The following FHIT variants were observed in gnomAD, a reference collection of about 807,000 sequenced individuals.
FHIT encodes the protein fragile histidine triad diadenosine triphosphatase, also known as bis(5'-adenosyl)-triphosphatase.
FHIT carries 19 observed loss-of-function variants against 17.9 expected under a neutral mutation model. That is an observed-to-expected ratio of 1.06 (90% CI 0.74 to 1.56). FHIT has a LOEUF of 1.56. Ranked by LOEUF, FHIT falls within the 40% of genes most tolerant of loss-of-function variation. The pLI, the probability that FHIT is intolerant of heterozygous loss-of-function variation, is 0.00. For missense variants in FHIT, 248 were observed against 189.2 expected (o/e 1.31, Z -1.82); for synonymous variants, 81 against 69.7 (o/e 1.16, Z -0.81).
chr3:60,557,598 C>G (rs779430272), intron 4 of FHIT, among the ~76,000 whole-genome samples: 1 of 151,772 alleles, frequency 6.6e-6, no homozygotes, highest in African/African-American at 2.4e-5. Context: ...TAGCTCTCTA[C>G]ATGGCTCTGC....
intron 3 of FHIT, among the ~76,000 whole-genome samples, chr3:60,839,649 C>T (rs1215650649): frequency 1.3e-5 from 2 of 152,112 alleles, no homozygotes; most frequent in African/African-American, 4.8e-5. Flanking sequence ...CCCAGAAATG[C>T]CCAGTCCCCA....
chr3:60,170,737 A>T (rs983076587), intron 5 of FHIT, among the ~76,000 whole-genome samples: 1 of 152,192 alleles, frequency 6.6e-6, no homozygotes, highest in Non-Finnish European at 1.5e-5. Flanking sequence ...ATTCTCCCAT[A>T]TCTATCTGAC....
intron 8 of FHIT, among the ~76,000 whole-genome samples, chr3:59,905,440 A>C (rs985401489): frequency 2.0e-5 from 3 of 152,204 alleles, no homozygotes; most frequent in African/African-American, 7.2e-5. Flanking sequence ...AGATAAATTA[A>C]GTTTGAGCAA....
At chr3:60,075,761 G>T (rs975905294) in intron 5 of FHIT, among the ~76,000 whole-genome samples, 2 of 152,050 alleles carry the variant, frequency 1.3e-5, no homozygotes, top group African/African-American at 4.8e-5. Context: ...AGAAGACACA[G>T]AGATACTAAA....
intron 4 of FHIT, among the ~76,000 whole-genome samples, chr3:60,760,369 A>G (rs1404615809): frequency 6.6e-6 from 1 of 152,208 alleles, no homozygotes; most frequent in East Asian, 1.9e-4. Context: ...TTGCTCAGTA[A>G]AACAGGAAGT....
At chr3:60,634,601 G>T (rs1426338360) in intron 4 of FHIT, among the ~76,000 whole-genome samples, 1 of 152,100 alleles carries the variant, frequency 6.6e-6, no homozygotes, top group Non-Finnish European at 1.5e-5. Context: ...TGGGGTAACG[G>T]CACCAGCATT....
At chr3:60,421,950 A>G (rs940508929) in intron 5 of FHIT, among the ~76,000 whole-genome samples, 3 of 152,138 alleles carry the variant, frequency 2.0e-5, no homozygotes, top group East Asian at 3.9e-4. Context: ...GCCTGCAGCA[A>G]GGTTGTAGAG....
intron 5 of FHIT, among the ~76,000 whole-genome samples, chr3:60,303,500 C>T (rs1294522262): frequency 6.6e-6 from 1 of 152,170 alleles, no homozygotes; most frequent in African/African-American, 2.4e-5. Flanking sequence ...GAGCCCTCTC[C>T]CGTTGCTGGA....
At chr3:59,912,100 A>G (rs1704907391) in intron 8 of FHIT, among the ~76,000 whole-genome samples, 1 of 152,216 alleles carries the variant, frequency 6.6e-6, no homozygotes, top group African/African-American at 2.4e-5. Flanking sequence ...CATGATGGAG[A>G]TAAATGTACC....
chr3:60,543,475 T>C (rs2107610887), intron 4 of FHIT, among the ~76,000 whole-genome samples: 1 of 152,350 alleles, frequency 6.6e-6, no homozygotes, highest in Non-Finnish European at 1.5e-5. Flanking sequence ...TTATGAATGC[T>C]GCATTTATGC....
At chr3:60,081,062 A>G (rs1188855959) in intron 5 of FHIT, among the ~76,000 whole-genome samples, 1 of 152,122 alleles carries the variant, frequency 6.6e-6, no homozygotes, top group Non-Finnish European at 1.5e-5. Flanking sequence ...GAGAAAGCAA[A>G]GAGAGAGAAA....
At chr3:60,969,709 C>T (rs1709912785) in intron 3 of FHIT, among the ~76,000 whole-genome samples, 1 of 152,036 alleles carries the variant, frequency 6.6e-6, no homozygotes, top group African/African-American at 2.4e-5. Flanking sequence ...TGGTTTAAAG[C>T]CTTTGACATT....
At chr3:60,173,239 G>A (rs1239603084) in intron 5 of FHIT, among the ~76,000 whole-genome samples, 1 of 152,154 alleles carries the variant, frequency 6.6e-6, no homozygotes, top group Non-Finnish European at 1.5e-5. Context: ...ACCATTCCCA[G>A]ACTGGTATCT....
At chr3:59,864,748 T>C (rs1423908780) in intron 8 of FHIT, among the ~76,000 whole-genome samples, 3 of 151,824 alleles carry the variant, frequency 2.0e-5, no homozygotes, top group African/African-American at 7.3e-5. Flanking sequence ...AGCAATGCTT[T>C]TCTGTGGAAG....
chr3:60,468,325 T>C (rs1201827178), intron 5 of FHIT, among the ~76,000 whole-genome samples: 2 of 152,164 alleles, frequency 1.3e-5, no homozygotes, highest in Non-Finnish European at 2.9e-5. Flanking sequence ...GATTTACTCC[T>C]GCTATTTTGT....
At chr3:59,832,254 G>A (rs1186057671) in intron 8 of FHIT, among the ~76,000 whole-genome samples, 2 of 152,060 alleles carry the variant, frequency 1.3e-5, no homozygotes, top group African/African-American at 4.8e-5. Flanking sequence ...GCAAATCGAG[G>A]GGCAAAAGTT....
At chr3:60,119,467 C>T (rs9852627) in intron 5 of FHIT, among the ~76,000 whole-genome samples, 39,398 of 152,010 alleles carry the variant, frequency 0.26, 5,809 homozygotes, top group Non-Finnish European at 0.34. Flanking sequence ...TGGAAGCACT[C>T]ATTTTTTCCA....
intron 5 of FHIT, among the ~76,000 whole-genome samples, chr3:60,198,373 G>T (rs185281958): frequency 6.6e-6 from 1 of 152,228 alleles, no homozygotes; most frequent in Non-Finnish European, 1.5e-5. Flanking sequence ...AGCTTGGCCC[G>T]TTCACTTGGA....
intron 5 of FHIT, among the ~76,000 whole-genome samples, chr3:60,095,128 T>C (rs1703889157): frequency 6.6e-6 from 1 of 152,152 alleles, no homozygotes. Flanking sequence ...AAAGCTGAGA[T>C]AAAGACTTAT....
Sources: gnomAD v4.1 joint callset for allele counts (sites outside exome capture counted in the v4.1 genomes callset) on GRCh38, gnomAD v4.1.1 for gene constraint, MANE v1.5 for transcripts, NCBI Gene and HGNC (gene_info 2026-07-23, HGNC 2026-07-21) for gene names.